The following ELP4 variants were observed in gnomAD, a reference collection of about 807,000 sequenced individuals.
ELP4 encodes elongator complex protein 4.
In ELP4, 51 loss-of-function variants were observed where a neutral mutation model predicts 48.9. That is an observed-to-expected ratio of 1.04 (90% confidence interval 0.83 to 1.32). The LOEUF (loss-of-function observed/expected upper bound fraction) is 1.32. ELP4 is among the 40% of genes most tolerant of loss of function. The pLI is 0.00. For missense variants in ELP4, 519 were observed against 514.6 expected (o/e 1.01, Z -0.08); for synonymous variants, 210 against 189.2 (o/e 1.11, Z -0.90).
intron 7 of ELP4, among the ~76,000 whole-genome samples, chr11:31,642,700 T>C (rs1328153488): frequency 6.6e-6 from 1 of 151,858 alleles, no homozygotes. Flanking sequence ...AAAGATTTAA[T>C]CTAATACCGT....
At chr11:31,774,200 A>G (rs150375096) in intron 9 of ELP4, among the ~76,000 whole-genome samples, 1 of 152,122 alleles carries the variant, frequency 6.6e-6, no homozygotes, top group Non-Finnish European at 1.5e-5. Context: ...AAGACTTAAC[A>G]TTCTGGCCTC....
chr11:31,587,531 A>G lies in ELP4; in HGVS notation c.382-7239A>G, dbSNP rs1301549786. On this transcript the variant is annotated intron_variant, in intron 3 of 9. Coordinates refer to ENST00000640961, the MANE Select transcript of ELP4 (RefSeq NM_019040.5). Reference sequence around the variant, plus strand: ...ACTGTGCTCCAAAATCATGTTATTTATCTTAGGGGAGAACATGTTGAGAAA... The same window carrying G: ...ACTGTGCTCCAAAATCATGTTATTTGTCTTAGGGGAGAACATGTTGAGAAA... 2.0e-5 allele frequency among the ~76,000 whole-genome samples: 3 copies of G among 152,222 alleles called. No homozygotes were observed. In the South Asian group the frequency reaches 6.2e-4, roughly 32 times the overall value.
At chr11:31,548,255 A>G (rs1956771900) in intron 3 of ELP4, among the ~76,000 whole-genome samples, 1 of 152,216 alleles carries the variant, frequency 6.6e-6, no homozygotes, top group Admixed American at 6.5e-5. Flanking sequence ...TCAGCCCAAA[A>G]TCTCCTTAGC....
chr11:31,547,858 G>T (rs1956763043), intron 3 of ELP4, among the ~76,000 whole-genome samples: 1 of 152,064 alleles, frequency 6.6e-6, no homozygotes, highest in African/African-American at 2.4e-5. Flanking sequence ...ATGTAATCCA[G>T]CATATAAACA....
rs116624517 is a variant in ELP4 at position 31,564,297 on chromosome 11, T to A, written c.381+24514T>A. Among the ~76,000 whole-genome samples the A allele has an allele frequency of 4.7e-3, 714 of 152,178 alleles. 8 individuals are homozygous for A. Among genetic ancestry groups the A allele is most frequent in the African/African-American group, 0.017 (692 of 41,526 alleles). On this transcript the variant is annotated intron_variant, in intron 3 of 9. Transcript: ENST00000640961. ...ACTTGAATTATGAATAGTAATACTG[T>A]AACCACTGAAACAGAATTTTTATAG...
chr11:31,557,757 G>A (rs1315141275), intron 3 of ELP4, among the ~76,000 whole-genome samples: 1 of 151,934 alleles, frequency 6.6e-6, no homozygotes, highest in African/African-American at 2.4e-5. Flanking sequence ...TACAGATTCA[G>A]AACAAAAGCC....
At chr11:31,565,861 T>G (rs1409872844) in intron 3 of ELP4, among the ~76,000 whole-genome samples, 1 of 152,210 alleles carries the variant, frequency 6.6e-6, no homozygotes, top group African/African-American at 2.4e-5. Context: ...AGTAGGCTCT[T>G]TTTTGGTTCC....
chr11:31,640,023 C>T (rs1945059587), intron 7 of ELP4, among the ~76,000 whole-genome samples: 1 of 151,842 alleles, frequency 6.6e-6, no homozygotes, highest in African/African-American at 2.4e-5. Context: ...CATATGGAAT[C>T]TTTGGCTGCT....
chr11:31,648,322 T>C (rs1349397199), intron 8 of ELP4: 1 of 151,876 alleles, frequency 6.6e-6, no homozygotes, highest in East Asian at 1.9e-4. Context: ...TTTCTCTGTT[T>C]ACTCATTTTC....
chr11:31,632,254 A>G lies in ELP4; in HGVS notation c.776A>G (p.Asn259Ser). 1 of 1,607,664 alleles carries G rather than the reference A, an allele frequency of 6.2e-7. No homozygotes were observed. Among genetic ancestry groups the G allele is most frequent in the Non-Finnish European group, 8.5e-7 (1 of 1,178,210 alleles). ...AACATTTTAAGAATAGGAATTCAGA[A>G]TCTTGGCTCACCTTTATGGGGAGAC... Reference protein sequence around the residue: ...QRNILRIGIQNLGSPLWGDDI... With the variant: ...QRNILRIGIQSLGSPLWGDDI... The change falls in exon 7 of 10, where the codon AAT becomes AGT. Residue 259 changes from asparagine to serine, a missense_variant. Asn to Ser is a conservative substitution (Grantham distance 46). Transcript: ENST00000640961.
chr11:31,726,319 G>C (rs1947074912), intron 9 of ELP4, among the ~76,000 whole-genome samples: 1 of 152,130 alleles, frequency 6.6e-6, no homozygotes, highest in Non-Finnish European at 1.5e-5. Context: ...TTCACTGTTA[G>C]ACAAGGTACA....
chr11:31,741,612 C>T (rs966809100), intron 9 of ELP4, among the ~76,000 whole-genome samples: 5 of 152,192 alleles, frequency 3.3e-5, no homozygotes, highest in Non-Finnish European at 5.9e-5. Flanking sequence ...CTGCAGCCAC[C>T]GCTGCTGATA....
At chr11:31,575,293 A>G (rs573048132) in intron 3 of ELP4, among the ~76,000 whole-genome samples, 39 of 152,376 alleles carry the variant, frequency 2.6e-4, no homozygotes, top group African/African-American at 8.2e-4. Flanking sequence ...GACTATGTCA[A>G]AAGACCAAAT....
intron 5 of ELP4, among the ~76,000 whole-genome samples, chr11:31,609,444 G>T (rs1303745146): frequency 1.3e-5 from 2 of 152,116 alleles, no homozygotes; most frequent in Non-Finnish European, 2.9e-5. Context: ...TTTCCCGGGA[G>T]GTGGGGTCAA....
rs748375028 is a variant in ELP4 at position 31,539,728 on chromosome 11, A to G, written c.326A>G (p.Asn109Ser). Reference sequence around the variant, plus strand: ...TATTTCCTGGCAGAAGGAATTGTCAATGGGCATACTTTGTTGGTTGCATCT... The same window carrying G: ...TATTTCCTGGCAGAAGGAATTGTCAGTGGGCATACTTTGTTGGTTGCATCT... ...FKYFLAEGIV[N>S]GHTLLVASAK... Residue 109 changes from asparagine (N) to serine (S), a missense_variant, in exon 3 of 10, where the codon AAT becomes AGT. Asn to Ser is a conservative substitution (Grantham distance 46). Coordinates refer to ENST00000640961, the MANE Select transcript of ELP4 (RefSeq NM_019040.5). 11 of 1,612,258 alleles carry G rather than the reference A, an allele frequency of 6.8e-6. No homozygotes were observed. The highest frequency in any genetic ancestry group is 3.3e-4 in the Middle Eastern group (2 of 6,078).
intron 7 of ELP4, among the ~76,000 whole-genome samples, chr11:31,643,009 G>T (rs1371128721): frequency 6.6e-6 from 1 of 151,548 alleles, no homozygotes; most frequent in Non-Finnish European, 1.5e-5. Context: ...AACAAAGAAA[G>T]GTCTTAAGTT....
chr11:31,635,564 T>C (rs934857260), intron 7 of ELP4, among the ~76,000 whole-genome samples: 1 of 151,972 alleles, frequency 6.6e-6, no homozygotes, highest in African/African-American at 2.4e-5. Flanking sequence ...AGAAAGAACC[T>C]GGGATCTTAG....
intron 9 of ELP4, among the ~76,000 whole-genome samples, chr11:31,709,948 T>C (rs1001166415): frequency 6.6e-6 from 1 of 152,184 alleles, no homozygotes; most frequent in Non-Finnish European, 1.5e-5. Context: ...TTATATACAG[T>C]GTACATGTGC....
Position 31,539,651 on chromosome 11 carries a change from C to G in ELP4, c.260-11C>G, listed in dbSNP as rs756929031. 1 of 1,591,448 alleles carries G rather than the reference C, an allele frequency of 6.3e-7. No individual in the cohort carries two copies. Among genetic ancestry groups the G allele is most frequent in the Non-Finnish European group, 8.5e-7 (1 of 1,170,688 alleles). The stretch of plus-strand genomic sequence containing the variant: ...CTATATGTTTCTAACTGCAACTTTT[C>G]CTTTTTACAGAGGAGGATAAATATA... On this transcript the variant is annotated splice_polypyrimidine_tract_variant and intron_variant, in intron 2 of 9. Transcript: ENST00000640961.
Sources: gnomAD v4.1 joint callset for allele counts (sites outside exome capture counted in the v4.1 genomes callset) on GRCh38, gnomAD v4.1.1 for gene constraint, MANE v1.5 for transcripts, NCBI Gene and HGNC (gene_info 2026-07-23, HGNC 2026-07-21) for gene names.